The following E2F3 variants were observed in gnomAD, a reference collection of about 807,000 sequenced individuals.
E2F3 encodes the protein transcription factor E2F3.
A neutral mutation model predicts 44.4 loss-of-function variants in E2F3; 11 were observed. That is an observed-to-expected ratio of 0.25 (90% CI 0.16 to 0.41). The LOEUF is 0.41. Among genes scored for constraint, E2F3 ranks in the 10% least tolerant of loss-of-function variants. E2F3 has a pLI of 1.00. For synonymous variants in E2F3, 249 were observed against 253.0 expected, an observed-to-expected ratio of 0.98 and a Z score of 0.15; for missense variants, 487 against 583.6, an observed-to-expected ratio of 0.83 and a Z score of 1.70.
chr6:20,450,480 T>C (rs1437421321), intron 1 of E2F3, among the ~76,000 whole-genome samples: 1 of 152,228 alleles, frequency 6.6e-6, no homozygotes, highest in African/African-American at 2.4e-5. Flanking sequence ...CTGTTTGTTT[T>C]TTTCTTGTAA....
intron 1 of E2F3, among the ~76,000 whole-genome samples, chr6:20,423,191 A>T (rs1020563339): frequency 6.6e-6 from 1 of 152,190 alleles, no homozygotes; most frequent in Non-Finnish European, 1.5e-5. Flanking sequence ...AGGAAATTTC[A>T]TCATTTTGCA....
At chr6:20,449,789 G>A (rs981166151) in intron 1 of E2F3, among the ~76,000 whole-genome samples, 1 of 151,992 alleles carries the variant, frequency 6.6e-6, no homozygotes, top group African/African-American at 2.4e-5. Flanking sequence ...CACCTTCTCT[G>A]GTAGGCCCCA....
At chr6:20,408,790 C>G (rs1053170354) in intron 1 of E2F3, among the ~76,000 whole-genome samples, 4 of 152,176 alleles carry the variant, frequency 2.6e-5, no homozygotes, top group Non-Finnish European at 4.4e-5. Flanking sequence ...AAATAATTGA[C>G]TTTAGTCTGC....
At chr6:20,449,725 T>C (rs774771890) in intron 1 of E2F3, among the ~76,000 whole-genome samples, 10 of 152,162 alleles carry the variant, frequency 6.6e-5, no homozygotes, top group Non-Finnish European at 1.0e-4. Context: ...ACACAGGTAT[T>C]AAGCCTAGTA....
intron 1 of E2F3, among the ~76,000 whole-genome samples, chr6:20,406,637 G>A (rs1174693584): frequency 6.6e-6 from 1 of 152,162 alleles, no homozygotes; most frequent in Non-Finnish European, 1.5e-5. Flanking sequence ...AGATAGTGGT[G>A]TTGAACTGCC....
intron 1 of E2F3, among the ~76,000 whole-genome samples, chr6:20,406,353 A>C (rs557156198): frequency 3.3e-5 from 5 of 152,372 alleles, no homozygotes; most frequent in African/African-American, 1.2e-4. Context: ...ATGATAATGC[A>C]TGTGAACTAT....
At chr6:20,403,764 C>G in intron 1 of E2F3, 1 of 1,493,898 alleles carries the variant, frequency 6.7e-7, no homozygotes, top group Non-Finnish European at 8.9e-7. Context: ...CCTCCGGGCC[C>G]CCTCTCCAGC....
At chr6:20,465,352 T>A (rs1324224599) in intron 1 of E2F3, among the ~76,000 whole-genome samples, 2 of 152,238 alleles carry the variant, frequency 1.3e-5, no homozygotes, top group Admixed American at 1.3e-4. Context: ...TCAAACCCCT[T>A]TATGTCGAGA....
chr6:20,403,960 G>A, intron 1 of E2F3: 1 of 532,074 alleles, frequency 1.9e-6, no homozygotes, highest in Non-Finnish European at 3.2e-6. Flanking sequence ...GGGTGCTCGA[G>A]GGAAATGAGT....
intron 2 of E2F3, among the ~76,000 whole-genome samples, chr6:20,480,317 A>G (rs2127620562): frequency 6.6e-6 from 1 of 152,328 alleles, no homozygotes; most frequent in Admixed American, 6.5e-5. Flanking sequence ...CAGAGTCACC[A>G]GTGTCTGTGC....
chr6:20,420,438 GGTGT>G (rs35566563), intron 1 of E2F3, among the ~76,000 whole-genome samples: 2,071 of 148,908 alleles, frequency 0.014, 41 homozygotes, highest in African/African-American at 0.045. Flanking sequence ...GGCTTTCTCT[GGTGT>G]GTGTGTGTGT....
intron 4 of E2F3, among the ~76,000 whole-genome samples, chr6:20,486,342 G>C (rs923621636): frequency 2.6e-5 from 4 of 152,142 alleles, no homozygotes; most frequent in Non-Finnish European, 4.4e-5. Context: ...GCGCGATCTC[G>C]TCTCACTGCA....
chr6:20,482,892 C>T lies in E2F3; in HGVS notation c.856C>T (p.Leu286=), dbSNP rs1446432585. The T allele has an allele frequency of 2.1e-5, 34 of 1,613,746 alleles. No homozygotes were observed. The highest frequency in any genetic ancestry group is 6.6e-5 in the South Asian group (6 of 91,090). ...LIQSCTLDLK[L]LTEDSENQRL... Reference sequence around the variant, plus strand: ...CCAAAGCTGCACCCTGGACCTCAAACTGTTAACCGAGGATTCAGAGAATCA... The same window carrying T: ...CCAAAGCTGCACCCTGGACCTCAAATTGTTAACCGAGGATTCAGAGAATCA... Residue 286 remains leucine, a synonymous_variant, in exon 4 of 7, where the codon CTG becomes TTG. Coordinates refer to ENST00000346618, the MANE Select transcript of E2F3 (RefSeq NM_001949.5).
At chr6:20,478,789 G>A (rs374073908) in intron 1 of E2F3, among the ~76,000 whole-genome samples, 4 of 152,122 alleles carry the variant, frequency 2.6e-5, no homozygotes, top group East Asian at 1.9e-4. Context: ...CAGCCTGGGC[G>A]ACAGAGCAAG....
intron 1 of E2F3, among the ~76,000 whole-genome samples, chr6:20,406,476 C>T (rs1376354832): frequency 2.6e-5 from 4 of 152,214 alleles, no homozygotes; most frequent in Non-Finnish European, 5.9e-5. Flanking sequence ...CACATTGTCC[C>T]TTTGTTTACA....
chr6:20,404,153 C>G (rs1194156363), intron 1 of E2F3, among the ~76,000 whole-genome samples: 7 of 128,462 alleles, frequency 5.4e-5, no homozygotes, highest in Non-Finnish European at 1.1e-4. Flanking sequence ...GCTCTGTTTT[C>G]TGTCTTCCTT....
At chr6:20,459,322 A>G (rs1761420996) in intron 1 of E2F3, among the ~76,000 whole-genome samples, 1 of 152,196 alleles carries the variant, frequency 6.6e-6, no homozygotes, top group African/African-American at 2.4e-5. Flanking sequence ...AGTGGGAAGA[A>G]CAGCAGGAGG....
intron 1 of E2F3, among the ~76,000 whole-genome samples, chr6:20,439,682 A>T (rs183129694): frequency 5.3e-5 from 8 of 152,234 alleles, no homozygotes; most frequent in African/African-American, 1.7e-4. Context: ...GGTGCATGCC[A>T]CCAAAGCCTG....
intron 1 of E2F3, among the ~76,000 whole-genome samples, chr6:20,453,210 A>G (rs866338642): frequency 6.6e-6 from 1 of 151,896 alleles, no homozygotes. Context: ...CTTATACAGA[A>G]TTTTCCATTC....
Sources: allele counts gnomAD v4.1 joint callset (sites outside exome capture counted in the v4.1 genomes callset), GRCh38; gene constraint gnomAD v4.1.1; transcripts MANE v1.5; gene names NCBI Gene and HGNC (gene_info 2026-07-23, HGNC 2026-07-21).